THRB: variants seen among roughly 807,000 people sequenced by gnomAD.
The protein encoded by THRB is nuclear receptor subfamily 1 group A member 2.
A neutral mutation model predicts 47.8 loss-of-function variants in THRB; 12 were observed. That is an observed-to-expected ratio of 0.25 (90% confidence interval 0.16 to 0.41). The LOEUF (loss-of-function observed/expected upper bound fraction) is 0.41. Among genes scored for constraint, THRB ranks in the 10% least tolerant of loss-of-function variants. THRB has a pLI of 1.00. For synonymous variants in THRB, 218 were observed against 212.2 expected (o/e 1.03, Z -0.24); for missense variants, 348 against 589.2 (o/e 0.59, Z 4.24).
chr3:24,169,479 G>A (rs1034524520), intron 5 of THRB, among the ~76,000 whole-genome samples: 1 of 151,930 alleles, frequency 6.6e-6, no homozygotes, highest in African/African-American at 2.4e-5. Context: ...ACTAGCACTG[G>A]ACTGCCAACT....
At chr3:24,256,618 T>C (rs1481534312) in intron 3 of THRB, among the ~76,000 whole-genome samples, 1 of 152,068 alleles carries the variant, frequency 6.6e-6, no homozygotes, top group Non-Finnish European at 1.5e-5. Context: ...AGGAGAGAGA[T>C]ACGTGTCTCA....
chr3:24,257,416 A>G lies in THRB; in HGVS notation c.-42-28415T>C, dbSNP rs1576353400. Among the ~76,000 whole-genome samples, 2 of 152,180 alleles carry G rather than the reference A, an allele frequency of 1.3e-5. 1 individual carries two copies. The highest frequency in any genetic ancestry group is 3.8e-4 in the East Asian group (2 of 5,196). On this transcript the variant is annotated intron_variant, in intron 3 of 10. Coordinates refer to ENST00000646209, the MANE Select transcript of THRB (RefSeq NM_001354712.2). ...ACTAAATATCTTAATTTTAGGTTAT[A>G]GAATATGAAATAGATCTTTTTAAGA... is the stretch of plus-strand genomic sequence containing the variant.
At chr3:24,279,459 A>C (rs6804795) in intron 3 of THRB, among the ~76,000 whole-genome samples, 2,181 of 151,908 alleles carry the variant, frequency 0.014, 57 homozygotes, top group African/African-American at 0.049. Context: ...ATCTCAGCTC[A>C]CTGCAAGCTC....
chr3:24,217,197 T>G (rs1393160220), intron 4 of THRB, among the ~76,000 whole-genome samples: 1 of 151,892 alleles, frequency 6.6e-6, no homozygotes, highest in African/African-American at 2.4e-5. Flanking sequence ...TTTCAAATGT[T>G]TCTAACCTGA....
At chr3:24,342,779 A>T (rs2062761104) in intron 1 of THRB, among the ~76,000 whole-genome samples, 1 of 152,198 alleles carries the variant, frequency 6.6e-6, no homozygotes, top group Admixed American at 6.5e-5. Context: ...GAAAAGATAC[A>T]GGGCCTGAAG....
intron 1 of THRB, among the ~76,000 whole-genome samples, chr3:24,435,222 C>T (rs970533159): frequency 2.6e-5 from 4 of 152,040 alleles, no homozygotes; most frequent in Non-Finnish European, 5.9e-5. Flanking sequence ...GAAGACAGAA[C>T]AAAGGTTGGG....
chr3:24,304,827 A>T (rs969299430), intron 2 of THRB, among the ~76,000 whole-genome samples: 1 of 152,200 alleles, frequency 6.6e-6, no homozygotes, highest in African/African-American at 2.4e-5. Context: ...AGAGAAAAAC[A>T]TGCACACAAA....
In THRB at chr3:24,256,831, G is replaced by A. The variant is rs938545725; in HGVS notation, c.-42-27830C>T. On this transcript the variant is annotated intron_variant, in intron 3 of 10. Transcript: ENST00000646209. ...ATGTTAGAGGGTTATGGAAGATGAA[G>A]TCTGAAACAGCATTACAGAAAGTGG... Among the ~76,000 whole-genome samples the A allele has an allele frequency of 3.3e-5, 5 of 152,324 alleles. 1 individual carries two copies. The highest frequency in any genetic ancestry group is 1.2e-4 in the African/African-American group (5 of 41,574).
chr3:24,452,551 G>T (rs2072763705), intron 1 of THRB, among the ~76,000 whole-genome samples: 1 of 151,998 alleles, frequency 6.6e-6, no homozygotes, highest in Admixed American at 6.6e-5. Context: ...TATGAGGAAG[G>T]CCTACTAATC....
At chr3:24,140,057 C>T (rs2035237367) in intron 8 of THRB, among the ~76,000 whole-genome samples, 1 of 152,180 alleles carries the variant, frequency 6.6e-6, no homozygotes, top group African/African-American at 2.4e-5. Context: ...CTTAGCAAAG[C>T]TGTCTTTAAG....
chr3:24,188,432 C>G (rs1292391389), intron 5 of THRB, among the ~76,000 whole-genome samples: 2 of 152,184 alleles, frequency 1.3e-5, no homozygotes, highest in Non-Finnish European at 2.9e-5. Flanking sequence ...GTCTTAACCA[C>G]TCTACTAAGC....
intron 4 of THRB, among the ~76,000 whole-genome samples, chr3:24,204,895 G>T (rs2045112780): frequency 6.6e-6 from 1 of 152,204 alleles, no homozygotes; most frequent in Non-Finnish European, 1.5e-5. Flanking sequence ...CTGGAAGAAA[G>T]GGTATCAGTG....
intron 3 of THRB, among the ~76,000 whole-genome samples, chr3:24,272,609 T>G (rs1437161696): frequency 6.6e-6 from 1 of 152,206 alleles, no homozygotes; most frequent in Non-Finnish European, 1.5e-5. Flanking sequence ...AAGGAATTTT[T>G]GCTCATTGAC....
chr3:24,282,854 T>G (rs1450702375), intron 3 of THRB, among the ~76,000 whole-genome samples: 1 of 150,484 alleles, frequency 6.6e-6, no homozygotes, highest in Non-Finnish European at 1.5e-5. Context: ...ATAAATTCCT[T>G]GACACATACA....
At chr3:24,424,739 C>A (rs1012789613) in intron 1 of THRB, among the ~76,000 whole-genome samples, 1 of 151,776 alleles carries the variant, frequency 6.6e-6, no homozygotes, top group African/African-American at 2.4e-5. Flanking sequence ...AGCAAAACTT[C>A]AAAAAAGTAA....
chr3:24,395,412 A>G (rs2066884078), intron 1 of THRB, among the ~76,000 whole-genome samples: 1 of 152,156 alleles, frequency 6.6e-6, no homozygotes, highest in Non-Finnish European at 1.5e-5. Flanking sequence ...GACTATTATA[A>G]CTCAATAATG....
intron 1 of THRB, among the ~76,000 whole-genome samples, chr3:24,436,702 GT>G: frequency 6.6e-6 from 1 of 152,120 alleles, no homozygotes; most frequent in Non-Finnish European, 1.5e-5. Context: ...TAGAGCACAC[GT>G]TATTCCCCGG....
intron 1 of THRB, among the ~76,000 whole-genome samples, chr3:24,457,766 A>C (rs1171133834): frequency 1.3e-5 from 2 of 152,186 alleles, no homozygotes; most frequent in Non-Finnish European, 2.9e-5. Context: ...GGCAAAACCA[A>C]GAAACATCAA....
rs555646666 is a variant in THRB at position 24,278,808 on chromosome 3, T to G, written c.-43+18418A>C. Among the ~76,000 whole-genome samples, 20 of 152,338 alleles carry G rather than the reference T, an allele frequency of 1.3e-4. No individual in the cohort carries two copies. In the South Asian group the frequency reaches 3.5e-3, roughly 27 times the overall value. ...GCTCAGAACTGCTCACTGATGAATA[T>G]GCACCATTCATTCCTTACATTTATA... On this transcript the variant is annotated intron_variant, in intron 3 of 10. Transcript: ENST00000646209.
Sources: gnomAD v4.1 joint callset for allele counts (sites outside exome capture counted in the v4.1 genomes callset) on GRCh38, gnomAD v4.1.1 for gene constraint, MANE v1.5 for transcripts, NCBI Gene and HGNC (gene_info 2026-07-23, HGNC 2026-07-21) for gene names.